WNT3: variants seen among roughly 807,000 people sequenced by gnomAD.
WNT3 encodes the protein Wnt family member 3.
WNT3 carries 7 observed loss-of-function variants against 34.2 expected under a neutral mutation model. That is an observed-to-expected ratio of 0.20 (90% CI 0.12 to 0.38). The LOEUF is 0.38. Among genes scored for constraint, WNT3 ranks in the 10% least tolerant of loss-of-function variants. The pLI is 1.00. For missense variants in WNT3, 267 were observed against 499.8 expected (o/e 0.53, Z 4.44); for synonymous variants, 212 against 211.5 (o/e 1.00, Z -0.02).
At chr17:46,788,743 G>C (rs1260593340) in intron 1 of WNT3, among the ~76,000 whole-genome samples, 1 of 147,358 alleles carries the variant, frequency 6.8e-6, no homozygotes, top group Non-Finnish European at 1.5e-5. Context: ...GGCCCTGCGA[G>C]GACCTCCCTG....
chr17:46,774,253 A>G (rs1598760595), intron 1 of WNT3, among the ~76,000 whole-genome samples: 1 of 152,266 alleles, frequency 6.6e-6, no homozygotes, highest in Non-Finnish European at 1.5e-5. Flanking sequence ...TTCTGGGTCC[A>G]GCTTCCCTGA....
intron 1 of WNT3, among the ~76,000 whole-genome samples, chr17:46,788,171 T>C (rs987747459): frequency 6.6e-6 from 1 of 152,184 alleles, no homozygotes; most frequent in African/African-American, 2.4e-5. Flanking sequence ...TGGCCAGCTT[T>C]TCCTCCTGGA....
chr17:46,773,733 C>A lies in WNT3; in HGVS notation c.257G>T (p.Gly86Val), dbSNP rs766394226. ...GIQECQHQFR[G>V]RRWNCTTIDD... ...TATGGTGGTGCAGTTCCAGCGGCGG[C>A]CCCGGAACTGGTGCTGGCACTCCTG... Residue 86 changes from glycine to valine, a missense_variant, in exon 2 of 5, where the codon GGC becomes GTC. Gly to Val is a moderately radical substitution (Grantham distance 109). Coordinates refer to ENST00000225512, the MANE Select transcript of WNT3 (RefSeq NM_030753.5). The A allele has an allele frequency of 6.3e-7, 1 of 1,592,718 alleles. No individual in the cohort carries two copies.
intron 1 of WNT3, among the ~76,000 whole-genome samples, chr17:46,809,326 C>A (rs1487432582): frequency 6.6e-6 from 1 of 152,162 alleles, no homozygotes; most frequent in Non-Finnish European, 1.5e-5. Flanking sequence ...TATTTGCATT[C>A]CTAATGGGCC....
At chr17:46,792,107 A>C (rs2083995243) in intron 1 of WNT3, among the ~76,000 whole-genome samples, 2 of 152,224 alleles carry the variant, frequency 1.3e-5, no homozygotes, top group South Asian at 4.1e-4. Context: ...TAAAGTCAAA[A>C]AATTCTAAAT....
chr17:46,771,544 C>A (rs559456184), intron 2 of WNT3, among the ~76,000 whole-genome samples: 2 of 149,002 alleles, frequency 1.3e-5, no homozygotes, highest in Admixed American at 1.3e-4. Context: ...CGCTGACAGC[C>A]CCGCTGTGCC....
chr17:46,765,618 C>A (rs2146365417), intron 4 of WNT3, among the ~76,000 whole-genome samples: 1 of 152,382 alleles, frequency 6.6e-6, no homozygotes, highest in South Asian at 2.1e-4. Context: ...CCTGCCATCC[C>A]TGCCAGTGCA....
chr17:46,770,826 A>C (rs1181729978), intron 2 of WNT3, among the ~76,000 whole-genome samples: 1 of 152,214 alleles, frequency 6.6e-6, no homozygotes, highest in Non-Finnish European at 1.5e-5. Flanking sequence ...TCGTCTCTGC[A>C]TGTGCTTCAT....
intron 1 of WNT3, among the ~76,000 whole-genome samples, chr17:46,785,950 A>C (rs1212079854): frequency 6.6e-6 from 1 of 152,230 alleles, no homozygotes; most frequent in East Asian, 1.9e-4. Context: ...GCTCTGGCTG[A>C]TCTGATAAGA....
intron 4 of WNT3, among the ~76,000 whole-genome samples, chr17:46,767,623 C>G (rs1454699062): frequency 6.6e-6 from 1 of 152,210 alleles, no homozygotes; most frequent in Non-Finnish European, 1.5e-5. Context: ...TAGGACCAGA[C>G]GTCAGGTCTC....
intron 4 of WNT3, among the ~76,000 whole-genome samples, chr17:46,766,863 A>AG (rs1443101725): frequency 6.6e-6 from 1 of 152,156 alleles, no homozygotes; most frequent in African/African-American, 2.4e-5. Flanking sequence ...ATGACCCAGC[A>AG]GGGAAGTGCT....
intron 1 of WNT3, among the ~76,000 whole-genome samples, chr17:46,808,928 C>T (rs2084233158): frequency 6.6e-6 from 1 of 152,160 alleles, no homozygotes; most frequent in African/African-American, 2.4e-5. Context: ...TAAGGACCCT[C>T]CATAGTTCAG....
At chr17:46,795,413 T>A (rs1458644720) in intron 1 of WNT3, among the ~76,000 whole-genome samples, 5 of 152,114 alleles carry the variant, frequency 3.3e-5, no homozygotes, top group Non-Finnish European at 7.4e-5. Flanking sequence ...ACAGAGGAGC[T>A]GGCCTCTGGG....
intron 4 of WNT3, among the ~76,000 whole-genome samples, chr17:46,767,526 G>GC (rs548820093): frequency 3.3e-5 from 5 of 152,214 alleles, no homozygotes; most frequent in African/African-American, 1.2e-4. Flanking sequence ...TATTTAAACT[G>GC]CCCCCTGCCC....
intron 4 of WNT3, among the ~76,000 whole-genome samples, chr17:46,767,080 A>G (rs1253524729): frequency 6.6e-6 from 1 of 152,134 alleles, no homozygotes; most frequent in Admixed American, 6.5e-5. Context: ...CTCAGGGGAC[A>G]GAAAAGGAAG....
chr17:46,774,866 C>T (rs914991399), intron 1 of WNT3, among the ~76,000 whole-genome samples: 4 of 152,146 alleles, frequency 2.6e-5, no homozygotes, highest in Admixed American at 6.5e-5. Flanking sequence ...GAAAATGATC[C>T]GTGAGTGTCA....
intron 1 of WNT3, among the ~76,000 whole-genome samples, chr17:46,805,429 C>T (rs1395977200): frequency 2.6e-5 from 4 of 151,738 alleles, no homozygotes; most frequent in African/African-American, 4.8e-5. Context: ...AAAAATTAGC[C>T]AGGTGTGGTG....
intron 1 of WNT3, among the ~76,000 whole-genome samples, chr17:46,777,254 C>T (rs991187111): frequency 2.6e-5 from 4 of 152,232 alleles, no homozygotes; most frequent in Non-Finnish European, 5.9e-5. Context: ...TGAAAGAGGA[C>T]CAACTTGTGC....
chr17:46,809,965 C>T (rs1278014595), intron 1 of WNT3, among the ~76,000 whole-genome samples: 1 of 151,812 alleles, frequency 6.6e-6, no homozygotes, highest in East Asian at 1.9e-4. Flanking sequence ...ACTGTCTGAG[C>T]AGGGACTAGC....
Sources: gnomAD v4.1 joint callset for allele counts (sites outside exome capture counted in the v4.1 genomes callset) on GRCh38, gnomAD v4.1.1 for gene constraint, MANE v1.5 for transcripts, NCBI Gene and HGNC (gene_info 2026-07-23, HGNC 2026-07-21) for gene names.